DRC4: variants seen among roughly 807,000 people sequenced by gnomAD.
DRC4 encodes dynein regulatory complex subunit 4.
At chr16:90,043,882 G>T in the DRC4 span, 1 of 458,534 alleles carries the variant, frequency 2.2e-6, no homozygotes, top group Non-Finnish European at 4.6e-6. Context: ...GTGCGGGAAC[G>T]GGCAGGCAGC....
the DRC4 span, chr16:90,019,906 T>A: frequency 2.5e-5 from 2 of 80,164 alleles, no homozygotes; most frequent in African/African-American, 1.3e-4. The surrounding 1 kb of genome is among the most constrained non-coding windows in gnomAD (Gnocchi z 6.1). Context: ...GGGGGGCGGG[T>A]GGGGGCGAGG....
chr16:90,031,611 C>A, the DRC4 span: 1 of 1,152,306 alleles, frequency 8.7e-7, no homozygotes, highest in Non-Finnish European at 1.2e-6. Flanking sequence ...GAGTCACAGC[C>A]TTAAAGGTGT....
At chr16:90,022,597 G>A in the DRC4 span, 17 of 1,124,176 alleles carry the variant, frequency 1.5e-5, no homozygotes, top group East Asian at 5.2e-4. Flanking sequence ...GCCGCTGCCC[G>A]GCGGAGTCTC....
chr16:90,020,291 A>G, the DRC4 span: 1 of 399,552 alleles, frequency 2.5e-6, no homozygotes, highest in Non-Finnish European at 4.4e-6. Flanking sequence ...GCCGTGAGCT[A>G]TGATTGTATG....
chr16:90,027,247 G>C, the DRC4 span, among the ~76,000 whole-genome samples: 5 of 151,928 alleles, frequency 3.3e-5, no homozygotes, highest in Non-Finnish European at 7.4e-5. Context: ...CGGCACGCCC[G>C]GCTAATTTTT....
the DRC4 span, chr16:90,037,192 G>A: frequency 1.3e-6 from 2 of 1,551,772 alleles, no homozygotes; most frequent in South Asian, 1.2e-5. Context: ...CTTTGGTTCT[G>A]CCTGCTGAGC....
At chr16:90,037,621 G>T in the DRC4 span, 1 of 993,910 alleles carries the variant, frequency 1.0e-6, no homozygotes, top group South Asian at 1.4e-5. Flanking sequence ...GCCGGCCTTG[G>T]TGAGACTCAG....
the DRC4 span, chr16:90,037,480 CTTGG>C: frequency 6.8e-7 from 1 of 1,475,902 alleles, no homozygotes; most frequent in Non-Finnish European, 9.1e-7. Flanking sequence ...CAGGGAGGGG[CTTGG>C]CCCTTAGGGC....
At chr16:90,030,090 A>C in the DRC4 span, among the ~76,000 whole-genome samples, 1 of 152,140 alleles carries the variant, frequency 6.6e-6, no homozygotes, top group Non-Finnish European at 1.5e-5. Flanking sequence ...AGCTCCCGAG[A>C]AAGCTGGAAG....
chr16:90,019,963 A>C, the DRC4 span: 1 of 697,734 alleles, frequency 1.4e-6, no homozygotes, highest in Admixed American at 2.0e-5. This position sits in a 1 kb window ranked among gnomAD's most constrained non-coding sequence, Gnocchi z 6.1. Context: ...GATGGGAGGT[A>C]AGGAGAGGGC....
chr16:90,021,856 CAAAAAAAAAAA>C, the DRC4 span, among the ~76,000 whole-genome samples: 3 of 28,962 alleles, frequency 1.0e-4, no homozygotes, highest in African/African-American at 4.0e-4. Context: ...ACCCTGTCTC[CAAAAAAAAAAA>C]AAAAAAAAAG....
chr16:90,030,710 G>A, the DRC4 span, among the ~76,000 whole-genome samples: 1 of 152,130 alleles, frequency 6.6e-6, no homozygotes, highest in East Asian at 1.9e-4. Context: ...TCAACCCCCT[G>A]AGCTTGAGTG....
chr16:90,036,558 A>T, the DRC4 span: 1 of 1,592,702 alleles, frequency 6.3e-7, no homozygotes, highest in Non-Finnish European at 8.6e-7. Context: ...ATCACCCTCA[A>T]CAACCTGGCC....
At chr16:90,042,636 C>T in the DRC4 span, 5 of 938,882 alleles carry the variant, frequency 5.3e-6, no homozygotes, top group East Asian at 7.6e-5. Flanking sequence ...CCACTTCGTA[C>T]CTCGTTTGAC....
the DRC4 span, among the ~76,000 whole-genome samples, chr16:90,027,091 T>C: frequency 2.8e-5 from 4 of 141,542 alleles, no homozygotes; most frequent in Non-Finnish European, 4.6e-5. Context: ...TTTCCTCTCT[T>C]TTTTTTTTTT....
At chr16:90,019,690 C>T in the DRC4 span, 1 of 563,732 alleles carries the variant, frequency 1.8e-6, no homozygotes. This position sits in a 1 kb window ranked among gnomAD's most constrained non-coding sequence, Gnocchi z 6.1. Flanking sequence ...TGCGCCCTCC[C>T]GACCCCGGCC....
chr16:90,044,265 G>A, the DRC4 span: 62 of 445,452 alleles, frequency 1.4e-4, no homozygotes, highest in Non-Finnish European at 2.5e-4. Context: ...ATCACCCTTG[G>A]CCCAGCCTCC....
the DRC4 span, among the ~76,000 whole-genome samples, chr16:90,021,374 A>C: frequency 1.3e-5 from 2 of 151,188 alleles, no homozygotes; most frequent in African/African-American, 4.9e-5. Context: ...TGTACTCTTC[A>C]TCCCCAGACA....
chr16:90,042,007 G>A, the DRC4 span, among the ~76,000 whole-genome samples: 8 of 151,958 alleles, frequency 5.3e-5, no homozygotes, highest in Non-Finnish European at 5.9e-5. Flanking sequence ...GCTCAATCTC[G>A]GCGCACTGCA....
Sources: allele counts gnomAD v4.1 joint callset (sites outside exome capture counted in the v4.1 genomes callset), GRCh38; gene constraint gnomAD v4.1.1; non-coding constraint Gnocchi (gnomAD v3.1); transcripts MANE v1.5; gene names NCBI Gene and HGNC (gene_info 2026-07-23, HGNC 2026-07-21).